MAPRE2: variants seen among roughly 807,000 people sequenced by gnomAD.
The protein encoded by MAPRE2 is microtubule associated protein RP/EB family member 2, also known as microtubule-associated protein RP/EB family member 2.
A neutral mutation model predicts 43.2 loss-of-function variants in MAPRE2; 13 were observed. That is an observed-to-expected ratio of 0.30 (90% CI 0.20 to 0.48). The LOEUF is 0.48. Ranked by LOEUF, MAPRE2 falls within the 20% of genes least tolerant of loss-of-function variation. MAPRE2 has a pLI of 0.99. For synonymous variants in MAPRE2, 135 were observed against 148.8 expected, an observed-to-expected ratio of 0.91 and a Z score of 0.68; for missense variants, 161 against 400.2, an observed-to-expected ratio of 0.40 and a Z score of 5.10.
chr18:35,044,757 G>C (rs962717018), intron 1 of MAPRE2, among the ~76,000 whole-genome samples: 3 of 152,196 alleles, frequency 2.0e-5, no homozygotes, highest in East Asian at 1.9e-4. Context: ...GGAACACCTA[G>C]AGGATAGGGT....
In MAPRE2 at chr18:35,018,520, T is replaced by C. The variant is rs566689399; in HGVS notation, c.-8+12967T>C. Among the ~76,000 whole-genome samples, 128 of 151,832 alleles carry C rather than the reference T, an allele frequency of 8.4e-4. 1 individual carries two copies. The South Asian group carries it at 0.012, about 15-fold the overall frequency. On this transcript the variant is annotated intron_variant, in intron 2 of 7. Transcript: ENST00000413393. ...ATTTTGGAACTTGATATTGGTCTGC[T>C]CAGGGTTTCGATTTCTTCCTGATTC...
intron 4 of MAPRE2, among the ~76,000 whole-genome samples, chr18:35,104,176 T>A (rs142150402): frequency 2.3e-3 from 354 of 152,234 alleles, no homozygotes; most frequent in Non-Finnish European, 3.7e-3. Flanking sequence ...TCAAATAGGA[T>A]GAAGCCTGAA....
chr18:35,130,419 G>T (rs542669651), intron 5 of MAPRE2, among the ~76,000 whole-genome samples: 1 of 152,194 alleles, frequency 6.6e-6, no homozygotes, highest in Non-Finnish European at 1.5e-5. Context: ...CCACATGGGG[G>T]TGTCAGTGAG....
At chr18:35,048,320 A>G (rs911158454) in intron 1 of MAPRE2, among the ~76,000 whole-genome samples, 10 of 152,052 alleles carry the variant, frequency 6.6e-5, no homozygotes, top group African/African-American at 4.8e-5. Flanking sequence ...ACCAGGCCCC[A>G]CCTCCAACAC....
chr18:35,063,994 T>C (rs1906691252), intron 1 of MAPRE2, among the ~76,000 whole-genome samples: 1 of 58,394 alleles, frequency 1.7e-5, no homozygotes, highest in African/African-American at 5.9e-5. Context: ...TGAGACCCTG[T>C]CTCTTTAAAA....
intron 2 of MAPRE2, among the ~76,000 whole-genome samples, chr18:35,077,249 G>GCACA (rs869108287): frequency 1.1e-5 from 1 of 88,856 alleles, no homozygotes; most frequent in East Asian, 4.9e-4. Context: ...GTGCGCGCGC[G>GCACA]CACACACACA....
At chr18:35,018,227 A>G (rs1329480881) in intron 2 of MAPRE2, among the ~76,000 whole-genome samples, 1 of 151,542 alleles carries the variant, frequency 6.6e-6, no homozygotes, top group Admixed American at 6.6e-5. Flanking sequence ...TTTGGTGAGG[A>G]TTTTTGCATC....
chr18:35,060,647 G>A (rs370132313), intron 1 of MAPRE2, among the ~76,000 whole-genome samples: 2 of 152,268 alleles, frequency 1.3e-5, no homozygotes, highest in African/African-American at 4.8e-5. Flanking sequence ...CAGGGCTGTA[G>A]CTATTGACTT....
chr18:35,110,235 TTCA>T (rs1313396518), intron 4 of MAPRE2, among the ~76,000 whole-genome samples: 3 of 152,178 alleles, frequency 2.0e-5, no homozygotes, highest in African/African-American at 7.2e-5. Context: ...AATGTGCTTA[TTCA>T]TCATTAAAAT....
intron 2 of MAPRE2, among the ~76,000 whole-genome samples, chr18:35,030,724 G>C (rs996446283): frequency 3.3e-5 from 5 of 151,770 alleles, no homozygotes; most frequent in African/African-American, 1.2e-4. Context: ...TTGGTTTTAA[G>C]CCAAGTTCTT....
intron 1 of MAPRE2, among the ~76,000 whole-genome samples, chr18:35,044,215 T>G (rs1905505758): frequency 6.6e-6 from 1 of 152,170 alleles, no homozygotes; most frequent in Non-Finnish European, 1.5e-5. Context: ...CGAACAGGTC[T>G]TTATCTTAGG....
rs374546945 is a variant in MAPRE2, at chr18:35,018,682, C to T, written c.-8+13129C>T. 1.1e-4 allele frequency among the ~76,000 whole-genome samples: 16 copies of T among 151,832 alleles called. 1 individual carries two copies. The highest frequency in any genetic ancestry group is 4.6e-4 in the Admixed American group (7 of 15,234). ...GGGTCAGTTGTAATGTCACCTTTGT[C>T]ACTTCCAATTGTACTTATTTTGATC... On this transcript the variant is annotated intron_variant, in intron 2 of 7. Transcript: ENST00000413393.
chr18:35,005,306 G>C (rs2097031326), intron 1 of MAPRE2, among the ~76,000 whole-genome samples: 1 of 152,130 alleles, frequency 6.6e-6, no homozygotes, highest in African/African-American at 2.4e-5. Flanking sequence ...TAATTCTATT[G>C]TCTGGCTGAC....
chr18:35,113,907 A>G (rs1484951829), intron 4 of MAPRE2, among the ~76,000 whole-genome samples: 2 of 152,222 alleles, frequency 1.3e-5, no homozygotes, highest in Non-Finnish European at 2.9e-5. Context: ...AATAAAATAT[A>G]GAAGGAGTCA....
At chr18:35,119,706 A>C (rs184352417) in intron 4 of MAPRE2, among the ~76,000 whole-genome samples, 1 of 152,326 alleles carries the variant, frequency 6.6e-6, no homozygotes, top group African/African-American at 2.4e-5. Flanking sequence ...GGTTCTAAAA[A>C]CAAATTTATT....
upstream of MAPRE2, among the ~76,000 whole-genome samples, chr18:35,040,737 GGT>G (rs1568980157): frequency 6.6e-6 from 1 of 152,168 alleles, no homozygotes. Context: ...CTGGTAAAAT[GGT>G]GGTTATCTTT....
At chr18:35,054,321 G>GT (rs1388109860) in intron 1 of MAPRE2, among the ~76,000 whole-genome samples, 1 of 152,200 alleles carries the variant, frequency 6.6e-6, no homozygotes, top group African/African-American at 2.4e-5. Context: ...CTAAAAGCCA[G>GT]TTTCTTAACT....
chr18:35,023,975 G>GT (rs1268972308), intron 2 of MAPRE2, among the ~76,000 whole-genome samples: 2 of 152,104 alleles, frequency 1.3e-5, no homozygotes, highest in Non-Finnish European at 2.9e-5. Context: ...ACCTAAATTT[G>GT]TTTTTTATTT....
intron 4 of MAPRE2, among the ~76,000 whole-genome samples, chr18:35,112,660 TC>T (rs1367545165): frequency 6.6e-6 from 1 of 152,180 alleles, no homozygotes; most frequent in Non-Finnish European, 1.5e-5. Flanking sequence ...TTGTAGAAGA[TC>T]CCCTACTCCC....
Sources: allele counts gnomAD v4.1 joint callset (sites outside exome capture counted in the v4.1 genomes callset), GRCh38; gene constraint gnomAD v4.1.1; transcripts MANE v1.5; gene names NCBI Gene and HGNC (gene_info 2026-07-23, HGNC 2026-07-21).